The following LRP6 variants were observed in gnomAD, a reference collection of about 807,000 sequenced individuals.
LRP6 encodes the protein LDL receptor related protein 6.
LRP6 carries 43 observed loss-of-function variants against 184.1 expected under a neutral mutation model. That is an observed-to-expected ratio of 0.23 (90% confidence interval 0.18 to 0.30). LRP6 has a LOEUF of 0.30. LRP6 is among the 10% of genes least tolerant of loss of function. The pLI, the probability that LRP6 is intolerant of heterozygous loss-of-function variation, is 1.00. For missense variants in LRP6, 1,571 were observed against 2,005.3 expected (o/e 0.78, Z 4.14); for synonymous variants, 719 against 684.9 (o/e 1.05, Z -0.78).
intron 16 of LRP6, 45 bp from the exon 17 acceptor site, chr12:12,135,345 G>T: frequency 7.1e-7 from 1 of 1,415,776 alleles, no homozygotes; most frequent in Non-Finnish European, 1.0e-6. Context: ...GGGGAGTGGA[G>T]GGGGAGAGAA....
chr12:12,135,499 TTA>T (rs1832946057), intron 16 of LRP6, among the ~76,000 whole-genome samples, 199 bp from the exon 17 acceptor site: 1 of 150,056 alleles, frequency 6.7e-6, no homozygotes, highest in Admixed American at 6.7e-5. Context: ...ATTATTATTA[TTA>T]TTATTATTTT....
chr12:12,195,008 T>A (rs953157939), intron 3 of LRP6, among the ~76,000 whole-genome samples: 1 of 152,142 alleles, frequency 6.6e-6, no homozygotes, highest in Non-Finnish European at 1.5e-5. Context: ...TCCAGGTCTA[T>A]CCATATTGCT....
intron 15 of LRP6, among the ~76,000 whole-genome samples, chr12:12,142,794 TG>T (rs34119692): frequency 2.0e-5 from 3 of 152,040 alleles, no homozygotes; most frequent in Non-Finnish European, 4.4e-5. Flanking sequence ...CCCAGTAAAC[TG>T]GGGAAAGTAA....
Position 12,116,973 on chromosome 12 carries a change from T to C in LRP6, c.*4153A>G, listed in dbSNP as rs145113139. On this transcript the variant is annotated 3_prime_UTR_variant, in exon 23 of 23. Transcript: ENST00000261349. ...CTTATAATTTAAATTTTAAAAAAAT[T>C]ATAAACGTATAATTTTATACTTGAG... The C allele has an allele frequency of 1.3e-5, 2 of 152,242 alleles. No individual in the cohort carries two copies. The highest frequency in any genetic ancestry group is 4.8e-5 in the African/African-American group (2 of 41,554). 9.4% of individuals were successfully genotyped at this position (152,242 alleles called of 1,614,324 possible).
intron 20 of LRP6, 41 bp downstream of exon 20, chr12:12,126,650 G>A (rs1239652246): frequency 6.7e-7 from 1 of 1,500,338 alleles, no homozygotes; most frequent in Non-Finnish European, 9.3e-7. Flanking sequence ...CAGTCTTGCA[G>A]GACCAAAGAC....
At chr12:12,148,765 T>C (rs1950042815) in intron 14 of LRP6, among the ~76,000 whole-genome samples, 177 bp downstream of exon 14, 1 of 152,120 alleles carries the variant, frequency 6.6e-6, no homozygotes, top group Admixed American at 6.5e-5. Context: ...GTCTGGGCAG[T>C]GAAATCAGAG....
At chr12:12,245,996 CTTTTTTTTT>C (rs71061029) in intron 1 of LRP6, among the ~76,000 whole-genome samples, 3 of 90,186 alleles carry the variant, frequency 3.3e-5, no homozygotes, top group African/African-American at 1.2e-4. Flanking sequence ...TTTATATAAA[CTTTTTTTTT>C]TTTTTTTTTT....
At chr12:12,170,912 T>C (rs2136964539) in intron 7 of LRP6, among the ~76,000 whole-genome samples, 1 of 152,044 alleles carries the variant, frequency 6.6e-6, no homozygotes, top group Middle Eastern at 3.4e-3. Flanking sequence ...AAGAGGTTAG[T>C]TAGAAGGAGC....
At chr12:12,198,666 T>A (rs1003658395) in intron 3 of LRP6, among the ~76,000 whole-genome samples, 1 of 151,938 alleles carries the variant, frequency 6.6e-6, no homozygotes, top group Non-Finnish European at 1.5e-5. Context: ...CCCGAGTAGT[T>A]GTGATTACAG....
Position 12,120,931 on chromosome 12 carries a change from G to T in LRP6, c.*195C>A. ...CTTTTATGGCACAAGCAGCAAATCTGCTGTTTTAAGAAAATATATAAATAT... is the reference window on the plus strand; with the variant it reads ...CTTTTATGGCACAAGCAGCAAATCTTCTGTTTTAAGAAAATATATAAATAT... On this transcript the variant is annotated 3_prime_UTR_variant, in exon 23 of 23. Coordinates refer to ENST00000261349, the MANE Select transcript of LRP6 (RefSeq NM_002336.3). The T allele has an allele frequency of 2.2e-6, 1 of 461,630 alleles. No individual in the cohort carries two copies. Among genetic ancestry groups the T allele is most frequent in the Non-Finnish European group, 3.7e-6 (1 of 271,142 alleles). 28.6% of individuals were successfully genotyped at this position (461,630 alleles called of 1,614,324 possible).
chr12:12,172,360 A>G (rs1399750814), intron 7 of LRP6, among the ~76,000 whole-genome samples: 1 of 152,236 alleles, frequency 6.6e-6, no homozygotes, highest in African/African-American at 2.4e-5. Context: ...TTCTACAGAC[A>G]TCACATCCAG....
rs945733758 is a variant in LRP6, at chr12:12,172,237, T to C, written c.1546-6942A>G. Among the ~76,000 whole-genome samples, 4 of 152,216 alleles carry C rather than the reference T, an allele frequency of 2.6e-5. No individual in the cohort carries two copies. In the South Asian group the frequency reaches 6.2e-4, roughly 24 times the overall value. On this transcript the variant is annotated intron_variant, in intron 7 of 22. Transcript: ENST00000261349. ...GCTGCTTTGACCACACTGTGGCACA[T>C]TGGTTTAACATTCTGAAATATTCTA... is the stretch of plus-strand genomic sequence containing the variant.
In LRP6 at chr12:12,138,505, T is replaced by C; in HGVS notation, c.3427A>G (p.Asn1143Asp). Residue 1143 changes from asparagine (N) to aspartate (D), a missense_variant, in exon 16 of 23, where the codon AAT (asparagine) becomes GAT (aspartate). Coordinates refer to ENST00000261349, the MANE Select transcript of LRP6 (RefSeq NM_002336.3). Reference protein sequence around the residue: ...GANRIVLEDSNILQPVGLTVF... With the variant: ...GANRIVLEDSDILQPVGLTVF... ...GTAAGTCCCACAGGCTGCAAGATAT[T>C]GGAGTCTTCTAATACTATCCGGTTA... The C allele has an allele frequency of 6.2e-7, 1 of 1,614,070 alleles. No individual in the cohort carries two copies. The highest frequency in any genetic ancestry group is 8.5e-7 in the Non-Finnish European group (1 of 1,179,984).
intron 2 of LRP6, among the ~76,000 whole-genome samples, chr12:12,214,306 T>C (rs1372991756): frequency 6.6e-6 from 1 of 152,166 alleles, no homozygotes; most frequent in Non-Finnish European, 1.5e-5. Flanking sequence ...CAGTTAATAT[T>C]TACAAGCACT....
chr12:12,266,580 C>T, intron 1 of LRP6, 101 bp downstream of exon 1: 1 of 1,055,376 alleles, frequency 9.5e-7, no homozygotes, highest in Non-Finnish European at 1.4e-6. Context: ...CGCTCCTCTC[C>T]CCTTCTCCCT....
chr12:12,161,077 T>C (rs1862730764), intron 10 of LRP6, among the ~76,000 whole-genome samples: 1 of 152,232 alleles, frequency 6.6e-6, no homozygotes. Context: ...AATTTCATAC[T>C]TGCCAGCAGC....
intron 2 of LRP6, among the ~76,000 whole-genome samples, chr12:12,234,984 G>A (rs1416118160): frequency 6.6e-6 from 1 of 152,260 alleles, no homozygotes; most frequent in African/African-American, 2.4e-5. Flanking sequence ...GAAGGGTGGG[G>A]AAAGACTGGA....
At chr12:12,176,533 T>C (rs1863187660) in intron 7 of LRP6, among the ~76,000 whole-genome samples, 1 of 152,232 alleles carries the variant, frequency 6.6e-6, no homozygotes, top group African/African-American at 2.4e-5. Context: ...TCATTCTTTC[T>C]ACAACTCTGT....
At chr12:12,197,001 T>G (rs1378624286) in intron 3 of LRP6, among the ~76,000 whole-genome samples, 1 of 152,218 alleles carries the variant, frequency 6.6e-6, no homozygotes, top group Non-Finnish European at 1.5e-5. Flanking sequence ...ATCTACTATT[T>G]TGTTAGCCAG....
Sources: allele counts gnomAD v4.1 joint callset (sites outside exome capture counted in the v4.1 genomes callset), GRCh38; gene constraint gnomAD v4.1.1; transcripts MANE v1.5; gene names NCBI Gene and HGNC (gene_info 2026-07-23, HGNC 2026-07-21).